ELMOD1: variants seen among roughly 807,000 people sequenced by gnomAD.
ELMOD1 encodes ELMO domain-containing protein 1.
Under a neutral mutation model 46.7 loss-of-function variants are expected in ELMOD1, and 21 were observed. That is an observed-to-expected ratio of 0.45 (90% CI 0.32 to 0.65). The LOEUF is 0.65. Among genes scored for constraint, ELMOD1 ranks in the 30% least tolerant of loss-of-function variants. ELMOD1 has a pLI of 0.04. For synonymous variants in ELMOD1, 122 were observed against 138.2 expected, an observed-to-expected ratio of 0.88 and a Z score of 0.82; for missense variants, 348 against 407.8, an observed-to-expected ratio of 0.85 and a Z score of 1.26.
chr11:107,592,230 C>A, intron 1 of ELMOD1: 1 of 379,786 alleles, frequency 2.6e-6, no homozygotes, highest in Non-Finnish European at 5.3e-6. Context: ...TCACTTGCTT[C>A]AGATCAAGTT....
At chr11:107,607,635 C>T (rs982280073) in intron 1 of ELMOD1, among the ~76,000 whole-genome samples, 2 of 151,988 alleles carry the variant, frequency 1.3e-5, no homozygotes, top group African/African-American at 4.8e-5. Context: ...CCAGCCTGGG[C>T]GCCAGAGTGA....
Position 107,591,287 on chromosome 11 carries a change from C to A in ELMOD1, c.-208C>A, listed in dbSNP as rs574037568. ...CGGCCGCCCCTGTCCAGCCTCGGCGCCCGGGACCGAGCGCGTCGCTCGCCG... is the reference window on the plus strand; with the variant it reads ...CGGCCGCCCCTGTCCAGCCTCGGCGACCGGGACCGAGCGCGTCGCTCGCCG... On this transcript the variant is annotated 5_prime_UTR_variant, in exon 1 of 12. Coordinates refer to ENST00000265840, the MANE Select transcript of ELMOD1 (RefSeq NM_018712.4). 2.2e-3 allele frequency: 339 copies of A among 152,318 alleles called. 1 individual carries two copies. Among genetic ancestry groups the A allele is most frequent in the African/African-American group, 7.8e-3 (326 of 41,548 alleles). The allele number at this position is 152,318 out of a possible 1,614,324, so 9.4% of individuals were successfully genotyped here. A position where few individuals can be genotyped will look rare whatever the true frequency, so the allele number is the denominator to read the frequency against.
chr11:107,599,755 A>AAAAAG (rs760618609), intron 1 of ELMOD1, among the ~76,000 whole-genome samples: 11,246 of 138,182 alleles, frequency 0.081, 432 homozygotes, highest in Middle Eastern at 0.13. Context: ...AAAAAAAGAA[A>AAAAAG]AAAAGAAAAG....
At chr11:107,650,099 A>G (rs2135708955) in intron 7 of ELMOD1, among the ~76,000 whole-genome samples, 1 of 152,248 alleles carries the variant, frequency 6.6e-6, no homozygotes. Context: ...TAAATTTTCA[A>G]AATCTACTGG....
At chr11:107,624,800 C>T (rs1866013418) in intron 2 of ELMOD1, among the ~76,000 whole-genome samples, 1 of 152,158 alleles carries the variant, frequency 6.6e-6, no homozygotes, top group African/African-American at 2.4e-5. Flanking sequence ...CTAGTGCTCT[C>T]TAAGCCTTCA....
intron 1 of ELMOD1, among the ~76,000 whole-genome samples, chr11:107,612,040 T>A (rs183181295): frequency 1.3e-5 from 2 of 152,032 alleles, no homozygotes; most frequent in African/African-American, 4.8e-5. Flanking sequence ...AGAAAATAAA[T>A]CATTCGACAA....
rs990717882 is a variant in ELMOD1, at chr11:107,666,565, C to G, written c.*1368C>G. On this transcript the variant is annotated 3_prime_UTR_variant, in exon 12 of 12. Coordinates refer to ENST00000265840, the MANE Select transcript of ELMOD1 (RefSeq NM_018712.4). ...AAATTGTTCCAGAACTGCTAAAAAT[C>G]ATTTTAAAAACCATGATTTAGTTTG... 9 of 152,706 alleles carry G rather than the reference C, an allele frequency of 5.9e-5. No homozygotes were observed. Among genetic ancestry groups the G allele is most frequent in the African/African-American group, 2.2e-4 (9 of 41,564 alleles). 9.5% of individuals were successfully genotyped at this position (152,706 alleles called of 1,614,324 possible). A position where few individuals can be genotyped will look rare whatever the true frequency, so the allele number is the denominator to read the frequency against.
chr11:107,601,019 A>G (rs1314190165), intron 1 of ELMOD1, among the ~76,000 whole-genome samples: 4 of 152,186 alleles, frequency 2.6e-5, no homozygotes, highest in African/African-American at 9.7e-5. Context: ...TATCAAAGGA[A>G]CACTTACACA....
rs142965198 is a variant in ELMOD1, at chr11:107,641,659, A to G, written c.421-5809A>G. Among the ~76,000 whole-genome samples, 11 of 152,316 alleles carry G rather than the reference A, an allele frequency of 7.2e-5. No individual in the cohort carries two copies. In the East Asian group the frequency reaches 1.9e-3, roughly 27 times the overall value. On this transcript the variant is annotated intron_variant, in intron 6 of 11. Coordinates refer to ENST00000265840, the MANE Select transcript of ELMOD1 (RefSeq NM_018712.4). ...ATCATCCTCTCATATGTAACAGTCC[A>G]CTGGTGCAGGAAGGTAAATCCTGTC...
chr11:107,630,757 T>C (rs1331688365), intron 4 of ELMOD1, 29 bp downstream of exon 4: 1 of 1,578,378 alleles, frequency 6.3e-7, no homozygotes, highest in African/African-American at 1.3e-5. Flanking sequence ...CAGCAGCTTT[T>C]TTTTCACTTG....
chr11:107,606,684 A>G (rs1346718279), intron 1 of ELMOD1, among the ~76,000 whole-genome samples: 1 of 152,064 alleles, frequency 6.6e-6, no homozygotes, highest in Non-Finnish European at 1.5e-5. Flanking sequence ...AAAATACAAA[A>G]ATTAGCCGGG....
chr11:107,605,980 T>C (rs950979370), intron 1 of ELMOD1, among the ~76,000 whole-genome samples: 24 of 152,358 alleles, frequency 1.6e-4, no homozygotes, highest in African/African-American at 4.3e-4. Flanking sequence ...AGTCAAAAAA[T>C]TGCATTTTAT....
At chr11:107,640,263 A>G (rs150332125) in intron 6 of ELMOD1, among the ~76,000 whole-genome samples, 580 of 152,312 alleles carry the variant, frequency 3.8e-3, no homozygotes, top group African/African-American at 0.013. Flanking sequence ...AAGTTTGACA[A>G]TTTTATTTGC....
At chr11:107,644,800 G>A (rs1866391889) in intron 6 of ELMOD1, among the ~76,000 whole-genome samples, 1 of 152,140 alleles carries the variant, frequency 6.6e-6, no homozygotes, top group Admixed American at 6.5e-5. Context: ...TAGTTGTGCA[G>A]GGCCCTGAGA....
chr11:107,630,844 CT>C lies in ELMOD1; in HGVS notation c.192+117del, dbSNP rs533022167. On this transcript the variant is annotated intron_variant, in intron 4 of 11. Transcript: ENST00000265840. ...CACTGGCTAGGAAAACTACTGCCAA[CT>C]GAGAAGAAATAATCATTTGCCCATT... The C allele has an allele frequency of 1.6e-4, 161 of 998,432 alleles. No homozygotes were observed. In the African/African-American group the frequency reaches 2.4e-3, roughly 15 times the overall value. 61.8% of individuals were successfully genotyped at this position (998,432 alleles called of 1,614,324 possible).
At chr11:107,622,509 G>A (rs572392766) in intron 2 of ELMOD1, among the ~76,000 whole-genome samples, 9 of 152,268 alleles carry the variant, frequency 5.9e-5, no homozygotes, top group Admixed American at 1.3e-4. Flanking sequence ...TCTGGCCTTC[G>A]CTTAGAGCCA....
intron 2 of ELMOD1, among the ~76,000 whole-genome samples, chr11:107,628,040 A>G (rs1301893294): frequency 6.6e-6 from 1 of 151,864 alleles, no homozygotes; most frequent in Non-Finnish European, 1.5e-5. Flanking sequence ...AGTAATTAAT[A>G]TCATTACCAT....
intron 1 of ELMOD1, among the ~76,000 whole-genome samples, chr11:107,601,842 C>T (rs1865605142): frequency 6.6e-6 from 1 of 151,974 alleles, no homozygotes. Context: ...CTGTCAGTTC[C>T]AGTTTTTTTT....
intron 2 of ELMOD1, among the ~76,000 whole-genome samples, chr11:107,624,066 G>A (rs899761416): frequency 3.9e-5 from 6 of 151,942 alleles, no homozygotes; most frequent in Admixed American, 3.9e-4. Flanking sequence ...ATATTATGTA[G>A]CAAATTTATA....
Sources: gnomAD v4.1 joint callset for allele counts (sites outside exome capture counted in the v4.1 genomes callset) on GRCh38, gnomAD v4.1.1 for gene constraint, MANE v1.5 for transcripts, NCBI Gene and HGNC (gene_info 2026-07-23, HGNC 2026-07-21) for gene names.